The following PSMD11 variants were observed in gnomAD, a reference collection of about 807,000 sequenced individuals.
PSMD11 encodes the protein 26S proteasome non-ATPase regulatory subunit 11.
PSMD11 carries 5 observed loss-of-function variants against 62.3 expected under a neutral mutation model. The observed-to-expected ratio is 0.08, with a 90% CI of 0.04 to 0.17. The LOEUF is 0.17. Ranked by LOEUF, PSMD11 falls within the 10% of genes least tolerant of loss-of-function variation. PSMD11 has a pLI of 1.00. For synonymous variants in PSMD11, 191 were observed against 191.8 expected, an observed-to-expected ratio of 1.00 and a Z score of 0.03; for missense variants, 310 against 512.9, an observed-to-expected ratio of 0.60 and a Z score of 3.82.
At chr17:32,471,462 T>C (rs1173286318) in intron 6 of PSMD11, among the ~76,000 whole-genome samples, 1 of 152,212 alleles carries the variant, frequency 6.6e-6, no homozygotes, top group African/African-American at 2.4e-5. Context: ...ATGATAAATA[T>C]TTGAAATGAA....
chr17:32,471,585 T>G (rs1908163194), intron 6 of PSMD11, among the ~76,000 whole-genome samples: 2 of 152,226 alleles, frequency 1.3e-5, no homozygotes. Flanking sequence ...AACAGGTCAT[T>G]CAGGCAGTCT....
chr17:32,482,382 G>T lies in PSMD11; in HGVS notation c.*1630G>T, dbSNP rs1030066067. On this transcript the variant is annotated 3_prime_UTR_variant, in exon 14 of 14. Coordinates refer to ENST00000261712, the MANE Select transcript of PSMD11 (RefSeq NM_002815.4). ...AAATAATTTTTTTTTTTTTCAAAAG[G>T]TGTCTTTTTCTTGAGTGCTGGAGGG... 6.6e-6 allele frequency: 1 copy of T among 151,510 alleles called. No homozygotes were observed. Among genetic ancestry groups the T allele is most frequent in the Admixed American group, 6.6e-5 (1 of 15,230 alleles). The allele number at this position is 151,510 out of a possible 1,614,324, so 9.4% of individuals were successfully genotyped here.
At chr17:32,448,133 C>T (rs1472915348) in intron 2 of PSMD11, among the ~76,000 whole-genome samples, 1 of 151,836 alleles carries the variant, frequency 6.6e-6, no homozygotes, top group African/African-American at 2.4e-5. Context: ...CCCACCTCGG[C>T]CTCCGAAAGT....
At chr17:32,474,097 C>A in intron 7 of PSMD11, 152 bp downstream of exon 7, 1 of 862,832 alleles carries the variant, frequency 1.2e-6, no homozygotes, top group Admixed American at 2.7e-5. Flanking sequence ...GCGGGAGGAT[C>A]AAAAGTGGTC....
intron 2 of PSMD11, among the ~76,000 whole-genome samples, chr17:32,452,561 G>A (rs1303825498): frequency 5.3e-5 from 8 of 152,276 alleles, no homozygotes; most frequent in Admixed American, 2.0e-4. Context: ...TATTGCCAAA[G>A]CCAGGAAGAT....
At chr17:32,464,479 C>CT (rs759314478) in intron 4 of PSMD11, 42 bp from the exon 5 acceptor site, 12 of 1,483,826 alleles carry the variant, frequency 8.1e-6, no homozygotes, top group African/African-American at 4.3e-5. Flanking sequence ...CTTTCTGTGG[C>CT]TTTTTCCCCC....
chr17:32,459,111 A>ATACAT (rs1555616110), intron 3 of PSMD11, among the ~76,000 whole-genome samples: 91 of 43,766 alleles, frequency 2.1e-3, no homozygotes, highest in Middle Eastern at 9.1e-3. Context: ...AAAAAAAAAA[A>ATACAT]ATACATATAT....
intron 10 of PSMD11, 50 bp downstream of exon 10, chr17:32,479,426 C>A: frequency 6.2e-7 from 1 of 1,601,142 alleles, no homozygotes; most frequent in Non-Finnish European, 8.5e-7. Flanking sequence ...CTCACTGTAG[C>A]CACCTCCCTT....
rs530126008 is a variant in PSMD11 at position 32,474,943 on chromosome 17, A to AC, written c.849+120dup. 3.8e-4 allele frequency: 350 copies of AC among 916,772 alleles called. 2 individuals carry two copies. The African/African-American group carries it at 5.3e-3, about 14-fold the overall frequency. The allele number at this position is 916,772 out of a possible 1,614,324, so 56.8% of individuals were successfully genotyped here. ...CATACTACTCTCTTCCTTCTGCCCC[A>AC]CTCACTTCCTTCCCTTAAGCCCATT... On this transcript the variant is annotated intron_variant, in intron 8 of 13. Transcript: ENST00000261712.
At chr17:32,450,810 G>A (rs554265747) in intron 2 of PSMD11, among the ~76,000 whole-genome samples, 2 of 152,094 alleles carry the variant, frequency 1.3e-5, no homozygotes, top group Admixed American at 6.5e-5. Context: ...GTAATCCCAG[G>A]ACTTTGGGAA....
chr17:32,451,823 C>T (rs1424583214), intron 2 of PSMD11, among the ~76,000 whole-genome samples: 5 of 152,178 alleles, frequency 3.3e-5, no homozygotes, highest in Admixed American at 6.5e-5. Context: ...ACTGCAGCCT[C>T]GACCTCCTGG....
At chr17:32,460,037 G>A (rs1017491482) in intron 3 of PSMD11, among the ~76,000 whole-genome samples, 29 of 152,346 alleles carry the variant, frequency 1.9e-4, no homozygotes, top group Non-Finnish European at 2.4e-4. Context: ...TATCATGGTA[G>A]TATTGAGGCC....
intron 5 of PSMD11, among the ~76,000 whole-genome samples, chr17:32,465,363 T>C (rs1212046129): frequency 1.3e-5 from 2 of 152,136 alleles, no homozygotes; most frequent in Non-Finnish European, 2.9e-5. Flanking sequence ...TCTGCCTGCC[T>C]TAGCCTCCCA....
At chr17:32,459,894 C>T (rs1481566538) in intron 3 of PSMD11, among the ~76,000 whole-genome samples, 1 of 152,044 alleles carries the variant, frequency 6.6e-6, no homozygotes, top group South Asian at 2.1e-4. Context: ...CCCAAAGTGC[C>T]TGGTTTATAG....
chr17:32,464,435 C>A, intron 4 of PSMD11, 86 bp from the exon 5 acceptor site: 1 of 1,106,012 alleles, frequency 9.0e-7, no homozygotes, highest in Non-Finnish European at 1.3e-6. Flanking sequence ...GCATATTTAA[C>A]AGTAACAGTT....
intron 5 of PSMD11, among the ~76,000 whole-genome samples, chr17:32,468,525 T>C (rs548167226): frequency 1.3e-5 from 2 of 152,346 alleles, no homozygotes; most frequent in African/African-American, 4.8e-5. Context: ...CTGTTTGAAT[T>C]TGATATTCTA....
rs199714157 is a variant in PSMD11 at position 32,454,489 on chromosome 17, C to T, written c.194-6C>T. 34 of 1,612,064 alleles carry T rather than the reference C, an allele frequency of 2.1e-5. No individual in the cohort carries two copies. In the Admixed American group the frequency reaches 5.7e-4, roughly 27 times the overall value. ...TACTCCTCTTTTTGAATTGCCTTTC[C>T]TACAGAGCTTGGAGGACTCCTGAAG... On this transcript the variant is annotated splice_region_variant and splice_polypyrimidine_tract_variant and intron_variant, in intron 2 of 13. Coordinates refer to ENST00000261712, the MANE Select transcript of PSMD11 (RefSeq NM_002815.4).
At chr17:32,446,450 AT>A (rs1823212229) in intron 1 of PSMD11, among the ~76,000 whole-genome samples, 1 of 152,158 alleles carries the variant, frequency 6.6e-6, no homozygotes, top group South Asian at 2.1e-4. Context: ...TAACACACCC[AT>A]CAGCTGAGGC....
intron 6 of PSMD11, among the ~76,000 whole-genome samples, chr17:32,472,827 A>C: frequency 1.4e-5 from 2 of 142,908 alleles, no homozygotes; most frequent in East Asian, 2.2e-4. Context: ...ATGAGCCACC[A>C]TGCCCGGCCT....
Sources: gnomAD v4.1 joint callset for allele counts (sites outside exome capture counted in the v4.1 genomes callset) on GRCh38, gnomAD v4.1.1 for gene constraint, MANE v1.5 for transcripts, NCBI Gene and HGNC (gene_info 2026-07-23, HGNC 2026-07-21) for gene names.